SH3BP5: variants seen among roughly 807,000 people sequenced by gnomAD.
SH3BP5 encodes the protein SH3 domain-binding protein 5.
A neutral mutation model predicts 43.3 loss-of-function variants in SH3BP5; 22 were observed. The ratio of observed to expected loss-of-function variants is 0.51; its 90% confidence interval spans 0.36 to 0.73. The LOEUF (loss-of-function observed/expected upper bound fraction) is 0.73, where lower values mean the gene tolerates loss of function less well. Ranked by LOEUF, SH3BP5 falls within the 30% of genes least tolerant of loss-of-function variation. The pLI, the probability that SH3BP5 is intolerant of heterozygous loss-of-function variation, is 0.00. For missense variants in SH3BP5, 529 were observed against 586.9 expected (o/e 0.90, Z 1.02); for synonymous variants, 255 against 225.8 (o/e 1.13, Z -1.16).
chr3:15,260,661 G>C (rs1158669203), intron 5 of SH3BP5: 1 of 152,246 alleles, frequency 6.6e-6, no homozygotes, highest in Non-Finnish European at 1.5e-5. Flanking sequence ...AGCACAAGGT[G>C]AAGAGTATGT....
chr3:15,261,568 C>T (rs1486543765), intron 5 of SH3BP5, among the ~76,000 whole-genome samples: 1 of 152,172 alleles, frequency 6.6e-6, no homozygotes, highest in Non-Finnish European at 1.5e-5. Context: ...AGTCCTCCTC[C>T]TTTTGCTAGG....
intron 1 of SH3BP5, among the ~76,000 whole-genome samples, chr3:15,338,735 A>G (rs1698730848): frequency 6.6e-6 from 1 of 152,182 alleles, no homozygotes; most frequent in Admixed American, 6.5e-5. Flanking sequence ...CGAAAAAAAA[A>G]AAACCTAAAC....
intron 4 of SH3BP5, 39 bp downstream of exon 4, chr3:15,269,674 C>T (rs542957618): frequency 3.7e-5 from 55 of 1,493,448 alleles, no homozygotes; most frequent in East Asian, 7.3e-5. Flanking sequence ...CGCGCATGCA[C>T]GCGCACACCC....
chr3:15,317,260 C>T (rs1340205151), intron 2 of SH3BP5, among the ~76,000 whole-genome samples: 2 of 152,132 alleles, frequency 1.3e-5, no homozygotes, highest in African/African-American at 4.8e-5. Flanking sequence ...AGTTCATGGC[C>T]CAGCCTCAGA....
chr3:15,323,574 C>T (rs1382959675), intron 2 of SH3BP5, among the ~76,000 whole-genome samples: 1 of 152,138 alleles, frequency 6.6e-6, no homozygotes. Flanking sequence ...AGAATTGCAG[C>T]CCCCAGATTC....
intron 2 of SH3BP5, among the ~76,000 whole-genome samples, chr3:15,320,604 A>AC (rs1698298336): frequency 7.2e-6 from 1 of 139,570 alleles, no homozygotes; most frequent in African/African-American, 2.8e-5. Context: ...CATCCAGCCA[A>AC]AACACACACA....
chr3:15,337,668 G>C (rs929762313), intron 1 of SH3BP5, among the ~76,000 whole-genome samples: 1 of 152,004 alleles, frequency 6.6e-6, no homozygotes, highest in Non-Finnish European at 1.5e-5. Context: ...CACTTTGAGA[G>C]GCCAAGGGAG....
upstream of SH3BP5, chr3:15,332,624 C>T: frequency 1.7e-6 from 2 of 1,179,374 alleles, no homozygotes; most frequent in Non-Finnish European, 2.1e-6. Flanking sequence ...CCGCGGCAGT[C>T]AGCGCAGCGC....
At chr3:15,265,861 A>T (rs557068245) in intron 4 of SH3BP5, among the ~76,000 whole-genome samples, 1 of 151,874 alleles carries the variant, frequency 6.6e-6, no homozygotes, top group Admixed American at 6.6e-5. Context: ...GACCCTGCTC[A>T]TATCAGCCCA....
At chr3:15,316,862 C>T (rs781119492) in intron 2 of SH3BP5, among the ~76,000 whole-genome samples, 8 of 152,166 alleles carry the variant, frequency 5.3e-5, no homozygotes, top group African/African-American at 1.9e-4. Flanking sequence ...ACATAACAAC[C>T]CTGCATGCAC....
chr3:15,337,145 G>A (rs1364058608), upstream of SH3BP5, among the ~76,000 whole-genome samples: 4 of 145,948 alleles, frequency 2.7e-5, no homozygotes, highest in Admixed American at 2.1e-4. Context: ...GCTGGAGTGC[G>A]GTGGTGTTAG....
intron 3 of SH3BP5, among the ~76,000 whole-genome samples, chr3:15,292,144 G>T (rs552997453): frequency 3.1e-4 from 47 of 152,306 alleles, no homozygotes; most frequent in Middle Eastern, 3.4e-3. Flanking sequence ...TTTACAGAGG[G>T]GAAGGGGCTA....
intron 7 of SH3BP5, chr3:15,258,564 G>C: frequency 2.0e-6 from 1 of 492,976 alleles, no homozygotes; most frequent in Non-Finnish European, 3.6e-6. Context: ...AGCCTTGAAT[G>C]TTCAAATGTA....
intron 3 of SH3BP5, among the ~76,000 whole-genome samples, chr3:15,301,131 T>G (rs1191826693): frequency 1.3e-5 from 2 of 152,156 alleles, no homozygotes; most frequent in Admixed American, 1.3e-4. Flanking sequence ...GTGTGAAATC[T>G]GCTCCAGGAT....
chr3:15,337,870 G>A (rs1236787395), intron 1 of SH3BP5, among the ~76,000 whole-genome samples: 1 of 140,910 alleles, frequency 7.1e-6, no homozygotes, highest in Non-Finnish European at 1.5e-5. Context: ...AACTAAGGAA[G>A]TGCCATGGCA....
chr3:15,301,281 C>G (rs953465480), intron 3 of SH3BP5, among the ~76,000 whole-genome samples: 10 of 152,110 alleles, frequency 6.6e-5, no homozygotes, highest in Non-Finnish European at 1.0e-4. Context: ...AGTAAAGGAG[C>G]AACGGAGAGG....
chr3:15,305,116 C>G (rs1312302006), intron 2 of SH3BP5, among the ~76,000 whole-genome samples: 3 of 116,056 alleles, frequency 2.6e-5, no homozygotes, highest in Non-Finnish European at 5.7e-5. Flanking sequence ...GACACTGTCT[C>G]AAAAAAAAAA....
At chr3:15,334,792 A>C (rs544163154), upstream of SH3BP5, among the ~76,000 whole-genome samples, 2 of 151,290 alleles carry the variant, frequency 1.3e-5, no homozygotes, top group Non-Finnish European at 3.0e-5. Context: ...CTCTACAAAA[A>C]ATACAAAAAA....
chr3:15,278,328 G>C (rs1461757832), intron 3 of SH3BP5, among the ~76,000 whole-genome samples: 1 of 152,242 alleles, frequency 6.6e-6, no homozygotes, highest in African/African-American at 2.4e-5. Context: ...GTCTCAGTGA[G>C]GGAGGGATGG....
Sources: allele counts gnomAD v4.1 joint callset (sites outside exome capture counted in the v4.1 genomes callset), GRCh38; gene constraint gnomAD v4.1.1; transcripts MANE v1.5; gene names NCBI Gene and HGNC (gene_info 2026-07-23, HGNC 2026-07-21).